The following SIGLEC5 variants were observed in gnomAD, a reference collection of about 807,000 sequenced individuals.
SIGLEC5 encodes the protein sialic acid-binding Ig-like lectin 5.
SIGLEC5 carries 34 observed loss-of-function variants against 45.9 expected under a neutral mutation model. That is an observed-to-expected ratio of 0.74 (90% CI 0.56 to 0.99). The LOEUF is 0.99. Ranked by LOEUF, SIGLEC5 falls within the 50% of genes least tolerant of loss-of-function variation. SIGLEC5 has a pLI of 0.00. For synonymous variants in SIGLEC5, 203 were observed against 258.6 expected (o/e 0.79, Z 2.06); for missense variants, 508 against 629.6 (o/e 0.81, Z 2.07).
At chr19:51,617,643 A>C (rs1448875285) in intron 8 of SIGLEC5, among the ~76,000 whole-genome samples, 2 of 152,186 alleles carry the variant, frequency 1.3e-5, no homozygotes, top group African/African-American at 4.8e-5. Context: ...ATTTCCAGGC[A>C]TATAAGTCTT....
At chr19:51,612,902 C>T (rs894657468) in intron 8 of SIGLEC5, among the ~76,000 whole-genome samples, 2 of 152,104 alleles carry the variant, frequency 1.3e-5, no homozygotes, top group African/African-American at 4.8e-5. Flanking sequence ...TCTCTTGCCC[C>T]CTACCCACTG....
Position 51,627,874 on chromosome 19 carries a change from CG to C in SIGLEC5, c.956del (p.Pro319ArgfsTer9), listed in dbSNP as rs1568593035. 21 of 1,610,990 alleles carry C rather than the reference CG, an allele frequency of 1.3e-5. No individual in the cohort carries two copies. Among genetic ancestry groups the C allele is most frequent in the Non-Finnish European group, 1.8e-5 (21 of 1,178,682 alleles). On this transcript the variant is annotated frameshift_variant, in exon 5 of 9. Coordinates refer to ENST00000683636, the MANE Select transcript of SIGLEC5 (RefSeq NM_003830.4). LOFTEE classifies it high-confidence loss of function. ...TCAGAAAAATTTGCAGGAAGCCCAG[CG>C]GGTGCTGAGCGCGGCAGGTGAAGCC... ...EGGFTCRAQH[P>X]LGFLQIFLNL...
chr19:51,615,399 TC>T lies in SIGLEC5; in HGVS notation c.1465-2978del, dbSNP rs201500272. Among the ~76,000 whole-genome samples, 564 of 152,272 alleles carry T rather than the reference TC, an allele frequency of 3.7e-3. 4 individuals are homozygous for T. The highest frequency in any genetic ancestry group is 4.9e-3 in the Non-Finnish European group (335 of 68,026). ...TAGCCCAAACATACTTGAATTCTGC[TC>T]CTTTCTCTCCTCTACCCTTCCAGTG... On this transcript the variant is annotated intron_variant, in intron 8 of 8. Coordinates refer to ENST00000683636, the MANE Select transcript of SIGLEC5 (RefSeq NM_003830.4).
rs1600104874 is a variant in SIGLEC5, at chr19:51,627,986, A to T, written c.845T>A (p.Phe282Tyr). The T allele has an allele frequency of 6.2e-7, 1 of 1,613,488 alleles. No homozygotes were observed. The highest frequency in any genetic ancestry group is 2.2e-5 in the East Asian group (1 of 44,866). Residue 282 changes from phenylalanine (F) to tyrosine (Y), a missense_variant, in exon 5 of 9, where the codon TTC (phenylalanine) becomes TAC (tyrosine). Phe to Tyr is a conservative substitution (Grantham distance 22, BLOSUM62 3). Around this residue, in one of 2 missense-constraint regions of SIGLEC5, gnomAD observed 431 missense variants for 428.8 expected, o/e 1.01. Coordinates refer to ENST00000683636, the MANE Select transcript of SIGLEC5 (RefSeq NM_003830.4). ...PSNPPAHLSW[F>Y]QGSPALNATP... ...GGCGTTCAGGGCAGGGGAGCCCTGG[A>T]ACCAGCTCAGGTGTGCAGGGGGGTT...
intron 3 of SIGLEC5, 85 bp downstream of exon 3, chr19:51,629,273 C>CAA (rs752123981): frequency 2.9e-5 from 17 of 596,256 alleles, no homozygotes; most frequent in Middle Eastern, 1.1e-3. Flanking sequence ...GTCTTCCTTA[C>CAA]ACACACACAC....
intron 8 of SIGLEC5, among the ~76,000 whole-genome samples, chr19:51,615,014 A>T (rs768472812): frequency 6.6e-6 from 1 of 152,196 alleles, no homozygotes; most frequent in Non-Finnish European, 1.5e-5. Flanking sequence ...ACAGCTTGCA[A>T]GTGGGTGAAT....
intron 8 of SIGLEC5, among the ~76,000 whole-genome samples, chr19:51,619,239 G>A (rs924881642): frequency 2.0e-5 from 3 of 152,128 alleles, no homozygotes; most frequent in Non-Finnish European, 4.4e-5. Flanking sequence ...CATCCAGCAT[G>A]CCCAGGTAAT....
Position 51,626,052 on chromosome 19 carries a change from T to G in SIGLEC5, c.1444A>C (p.Ile482Leu), listed in dbSNP as rs746780999. ...CTCACCGAGGTGATGGTACCCATAA[T>G]GGGGTCTTCATCATCCATTTTCTCT... ...RPEKMDDEDP[I>L]MGTITSGSRK... is the part of the protein sequence containing the mutation. The change falls in exon 8 of 9, where the codon ATT becomes CTT. Residue 482 changes from isoleucine (I) to leucine (L), a missense_variant. Physicochemically the swap from Ile to Leu is conservative, Grantham distance 5. This residue lies in a region of SIGLEC5 where 431 missense variants were observed against 428.8 expected (regional missense o/e 1.01). Coordinates refer to ENST00000683636, the MANE Select transcript of SIGLEC5 (RefSeq NM_003830.4). 6.2e-7 allele frequency: 1 copy of G among 1,613,906 alleles called. No homozygotes were observed. The highest frequency in any genetic ancestry group is 8.5e-7 in the Non-Finnish European group (1 of 1,179,936).
intron 8 of SIGLEC5, among the ~76,000 whole-genome samples, chr19:51,616,039 G>A (rs1983041119): frequency 6.6e-6 from 1 of 152,232 alleles, no homozygotes; most frequent in Non-Finnish European, 1.5e-5. Flanking sequence ...GCCTCCCAAA[G>A]TGCTGGGATT....
intron 7 of SIGLEC5, among the ~76,000 whole-genome samples, chr19:51,626,870 C>T (rs747752855): frequency 3.3e-5 from 5 of 151,970 alleles, no homozygotes; most frequent in Non-Finnish European, 7.4e-5. Flanking sequence ...AGAAAGAAGA[C>T]CTCTCTGGAT....
Position 51,627,827 on chromosome 19 carries a change from C to T in SIGLEC5, c.997+7G>A, listed in dbSNP as rs1172042758. On this transcript the variant is annotated splice_region_variant and intron_variant, in intron 5 of 8. Transcript: ENST00000683636. The stretch of plus-strand genomic sequence containing the variant: ...GCAGTTCCTGCTCCAGCTGCCCCCA[C>T]ACTCACAGTAAACTGAGAGATTCAG... 5.6e-6 allele frequency: 9 copies of T among 1,594,426 alleles called. No individual in the cohort carries two copies. The highest frequency in any genetic ancestry group is 7.7e-6 in the Non-Finnish European group (9 of 1,169,558).
Position 51,612,508 on chromosome 19 carries a change from G to C in SIGLEC5, c.1465-86C>G, listed in dbSNP as rs958986214. ...AGTTCTTATATTTATATGTTGCCTT[G>C]GGATTTATTTTGAATGTAAGTTGGA... is the stretch of plus-strand genomic sequence containing the variant. On this transcript the variant is annotated intron_variant, in intron 8 of 8. Transcript: ENST00000683636. 4.0e-6 allele frequency: 4 copies of C among 1,008,732 alleles called. 1 individual carries two copies. The Admixed American group carries it at 1.1e-4, about 28-fold the overall frequency. 62.5% of individuals were successfully genotyped at this position (1,008,732 alleles called of 1,614,324 possible).
Position 51,627,468 on chromosome 19 carries a change from G to A in SIGLEC5, c.1276C>T (p.Leu426=), listed in dbSNP as rs1303972036. The part of the protein sequence containing the change: ...YGSQSGSVLL[L]QGRSNLGTGV... ...CTGCAATACGCCCCCTGACCTTGCAGCAGCAGGACAGAGCCGCTCTGGGAC... is the reference window on the plus strand; with the variant it reads ...CTGCAATACGCCCCCTGACCTTGCAACAGCAGGACAGAGCCGCTCTGGGAC... Residue 426 remains leucine (L), a synonymous_variant, in exon 6 of 9, where the codon CTG becomes TTG. Coordinates refer to ENST00000683636, the MANE Select transcript of SIGLEC5 (RefSeq NM_003830.4). 1 of 1,611,656 alleles carries A rather than the reference G, an allele frequency of 6.2e-7. No individual in the cohort carries two copies. The highest frequency in any genetic ancestry group is 8.5e-7 in the Non-Finnish European group (1 of 1,178,632).
At chr19:51,618,181 G>C (rs777504812) in intron 8 of SIGLEC5, among the ~76,000 whole-genome samples, 6 of 151,856 alleles carry the variant, frequency 4.0e-5, no homozygotes, top group Admixed American at 6.6e-5. Flanking sequence ...TAAAATAGTA[G>C]AAAGAAATCC....
intron 8 of SIGLEC5, among the ~76,000 whole-genome samples, chr19:51,616,588 G>A (rs750488103): frequency 6.6e-6 from 1 of 152,024 alleles, no homozygotes; most frequent in Non-Finnish European, 1.5e-5. Context: ...TAGAACATAT[G>A]AGAAAAAGGT....
intron 6 of SIGLEC5, 53 bp from the exon 7 acceptor site, chr19:51,627,301 C>T (rs554699654): frequency 3.2e-6 from 5 of 1,580,940 alleles, no homozygotes; most frequent in African/African-American, 1.3e-5. Context: ...AGACTCTTGT[C>T]CTCCCACCTG....
chr19:51,622,976 C>T (rs1358588440), intron 8 of SIGLEC5, among the ~76,000 whole-genome samples: 1 of 152,142 alleles, frequency 6.6e-6, no homozygotes, highest in African/African-American at 2.4e-5. Flanking sequence ...GAATAGTACT[C>T]CATTGTGTAT....
At chr19:51,628,852 T>C (rs1983615954) in intron 4 of SIGLEC5, among the ~76,000 whole-genome samples, 186 bp downstream of exon 4, 1 of 138,972 alleles carries the variant, frequency 7.2e-6, no homozygotes, top group African/African-American at 2.6e-5. Context: ...TGTGCATGTG[T>C]GCGTGTGTAT....
chr19:51,612,076 A>G lies in SIGLEC5; in HGVS notation c.*155T>C, dbSNP rs1408077752. The G allele has an allele frequency of 1.8e-5, 1 of 56,806 alleles. No homozygotes were observed. The highest frequency in any genetic ancestry group is 3.4e-5 in the Non-Finnish European group (1 of 29,736). The allele number at this position is 56,806 out of a possible 1,614,324, so 3.5% of individuals were successfully genotyped here. A position where few individuals can be genotyped will look rare whatever the true frequency, so the allele number is the denominator to read the frequency against. Reference sequence around the variant, plus strand: ...AGTGCCAGGGCCTAGATTTGAGCCCACCTCTCTAATTCCATCTGCTTGGAG... The same window carrying G: ...AGTGCCAGGGCCTAGATTTGAGCCCGCCTCTCTAATTCCATCTGCTTGGAG... On this transcript the variant is annotated 3_prime_UTR_variant, in exon 9 of 9. Transcript: ENST00000683636.
Sources: gnomAD v4.1 joint callset for allele counts (sites outside exome capture counted in the v4.1 genomes callset) on GRCh38, gnomAD v4.1.1 for gene constraint, gnomAD v4.1.1 regional missense constraint, MANE v1.5 for transcripts, NCBI Gene and HGNC (gene_info 2026-07-23, HGNC 2026-07-21) for gene names.